ABCD2: variants seen among roughly 807,000 people sequenced by gnomAD.
The protein encoded by ABCD2 is ATP binding cassette subfamily D member 2, also known as ATP-binding cassette sub-family D member 2.
A neutral mutation model predicts 70.9 loss-of-function variants in ABCD2; 36 were observed. That is an observed-to-expected ratio of 0.51 (90% CI 0.39 to 0.67). The LOEUF (loss-of-function observed/expected upper bound fraction) is 0.67. Ranked by LOEUF, ABCD2 falls within the 30% of genes least tolerant of loss-of-function variation. The pLI, the probability that ABCD2 is intolerant of heterozygous loss-of-function variation, is 0.00. For missense variants in ABCD2, 729 were observed against 890.2 expected (o/e 0.82, Z 2.30); for synonymous variants, 304 against 306.9 (o/e 0.99, Z 0.10).
chr12:39,559,570 C>G (rs1002927157), intron 9 of ABCD2, among the ~76,000 whole-genome samples: 1 of 151,578 alleles, frequency 6.6e-6, no homozygotes, highest in Non-Finnish European at 1.5e-5. Context: ...ATAAGACTAC[C>G]CGATGATATA....
chr12:39,617,297 A>G (rs1942129485), intron 1 of ABCD2, 129 bp from the exon 2 acceptor site: 5 of 538,934 alleles, frequency 9.3e-6, no homozygotes, highest in Non-Finnish European at 1.4e-5. Context: ...ATTAGTTATT[A>G]TTTAGTTTTG....
In ABCD2 at chr12:39,619,477, A is replaced by T. The variant is rs1942164858; in HGVS notation, c.139T>A (p.Ser47Thr). The T allele has an allele frequency of 1.2e-6, 2 of 1,613,538 alleles. No individual in the cohort carries two copies. The highest frequency in any genetic ancestry group is 1.7e-5 in the Admixed American group (1 of 59,990). ...YPIIGKRLKQ[S>T]GHGKKKAAAY... ...GCTGCTTTTTTCTTCCCGTGGCCAGATTGCTTTAAACGCTTGCCAATGATG... is the reference window on the plus strand; with the variant it reads ...GCTGCTTTTTTCTTCCCGTGGCCAGTTTGCTTTAAACGCTTGCCAATGATG... The change falls in exon 1 of 10, where the codon TCT (serine) becomes ACT (threonine). Residue 47 changes from serine to threonine, a missense_variant. Coordinates refer to ENST00000308666, the MANE Select transcript of ABCD2 (RefSeq NM_005164.4).
intron 6 of ABCD2, among the ~76,000 whole-genome samples, chr12:39,592,063 T>A (rs1277459239): frequency 6.6e-6 from 1 of 152,118 alleles, no homozygotes; most frequent in Non-Finnish European, 1.5e-5. Flanking sequence ...AAAAGAGATT[T>A]AAAAAAACTG....
chr12:39,601,866 T>C (rs1941902117), intron 5 of ABCD2, among the ~76,000 whole-genome samples: 2 of 152,068 alleles, frequency 1.3e-5, no homozygotes, highest in Non-Finnish European at 2.9e-5. Context: ...GGCTAAGGGT[T>C]TAATTTTGTA....
rs1360281869 is a variant in ABCD2, at chr12:39,601,063, T to C, written c.1501-347A>G. ...AAATTTAACTAAAAATATATTACAT[T>C]ATATTTTGATATTAATATTGGATTA... is the stretch of plus-strand genomic sequence containing the variant. On this transcript the variant is annotated intron_variant, in intron 5 of 9. Transcript: ENST00000308666. 3.9e-5 allele frequency among the ~76,000 whole-genome samples: 6 copies of C among 152,064 alleles called. No individual in the cohort carries two copies. In the South Asian group the frequency reaches 1.2e-3, roughly 31 times the overall value.
chr12:39,579,213 T>A (rs956417366), intron 8 of ABCD2, among the ~76,000 whole-genome samples: 1 of 152,086 alleles, frequency 6.6e-6, no homozygotes, highest in African/African-American at 2.4e-5. Context: ...AACACAAAAA[T>A]TAGCCGGGCG....
At chr12:39,569,275 C>A (rs1489395740) in intron 9 of ABCD2, among the ~76,000 whole-genome samples, 1 of 152,226 alleles carries the variant, frequency 6.6e-6, no homozygotes, top group Non-Finnish European at 1.5e-5. Context: ...TGGGCTCCAC[C>A]CAGTTGGAGC....
At position 39,616,735 on chromosome 12, in the gene ABCD2, A is replaced by G. The variant is rs542065467; in HGVS notation, c.1120+253T>C. On this transcript the variant is annotated intron_variant, in intron 2 of 9. Transcript: ENST00000308666. Reference sequence around the variant, plus strand: ...TTAGGCAATATAATTAAAATTGCTCAAGGTCAACTCCGAGAAACACTGCAT... The same window carrying G: ...TTAGGCAATATAATTAAAATTGCTCGAGGTCAACTCCGAGAAACACTGCAT... Among the ~76,000 whole-genome samples, 16 of 152,214 alleles carry G rather than the reference A, an allele frequency of 1.1e-4. 1 individual carries two copies. Among genetic ancestry groups the G allele is most frequent in the African/African-American group, 3.4e-4 (14 of 41,542 alleles).
At chr12:39,581,747 C>G (rs763774968) in intron 7 of ABCD2, among the ~76,000 whole-genome samples, 9 of 152,090 alleles carry the variant, frequency 5.9e-5, no homozygotes, top group Non-Finnish European at 1.0e-4. Context: ...TTTAATAAAT[C>G]ACGTTCTTTG....
At position 39,579,453 on chromosome 12, in the gene ABCD2, T is replaced by C. The variant is rs960830206; in HGVS notation, c.1877+82A>G. The stretch of plus-strand genomic sequence containing the variant: ...AGCTACAGATGAAGACGATAAATCC[T>C]GTCCAAACTTTTGTTGTTCCTATTG... On this transcript the variant is annotated intron_variant, in intron 8 of 9. Coordinates refer to ENST00000308666, the MANE Select transcript of ABCD2 (RefSeq NM_005164.4). The C allele has an allele frequency of 5.4e-6, 5 of 926,376 alleles. No individual in the cohort carries two copies. The South Asian group carries it at 7.6e-5, about 14-fold the overall frequency. 57.4% of individuals were successfully genotyped at this position (926,376 alleles called of 1,614,324 possible). A position where few individuals can be genotyped will look rare whatever the true frequency, so the allele number is the denominator to read the frequency against.
At chr12:39,602,127 TTTTATTTATTTATTTA>T (rs78767678) in intron 5 of ABCD2, among the ~76,000 whole-genome samples, 22 of 145,304 alleles carry the variant, frequency 1.5e-4, no homozygotes, top group South Asian at 4.4e-4. Flanking sequence ...TTTTTAAAAA[TTTTATTTATTTATTTA>T]TTTATTTATT....
intron 3 of ABCD2, 98 bp downstream of exon 3, chr12:39,607,501 A>G: frequency 2.0e-6 from 2 of 995,062 alleles, no homozygotes. Context: ...CAGAGAAAAG[A>G]TATGTTTCCA....
intron 6 of ABCD2, among the ~76,000 whole-genome samples, chr12:39,590,646 T>C (rs1941733187): frequency 6.6e-6 from 1 of 152,092 alleles, no homozygotes; most frequent in African/African-American, 2.4e-5. Context: ...TAAAATTCAT[T>C]CCCCATGATT....
Position 39,618,819 on chromosome 12 carries a change from G to A in ABCD2, c.797C>T (p.Ala266Val). 6.2e-7 allele frequency: 1 copy of A among 1,614,178 alleles called. No homozygotes were observed. The highest frequency in any genetic ancestry group is 1.1e-5 in the South Asian group (1 of 91,074). ...ACAGGCTTTTAACACTTTAGCAGTG[G>A]CATACACCACAAGTCCTGCTAGTAG... Reference protein sequence around the residue: ...PTLLAGLVVYATAKVLKACSP... With the variant: ...PTLLAGLVVYVTAKVLKACSP... The change falls in exon 1 of 10, where the codon GCC becomes GTC. Residue 266 changes from alanine to valine, a missense_variant. Ala to Val is a moderately conservative substitution (Grantham distance 64). Coordinates refer to ENST00000308666, the MANE Select transcript of ABCD2 (RefSeq NM_005164.4).
At chr12:39,596,451 T>C (rs1941816296) in intron 6 of ABCD2, among the ~76,000 whole-genome samples, 1 of 152,204 alleles carries the variant, frequency 6.6e-6, no homozygotes, top group Non-Finnish European at 1.5e-5. Context: ...CTCTCTGACA[T>C]GAAACACAAT....
chr12:39,607,790 C>CA lies in ABCD2; in HGVS notation c.1121-77dup, dbSNP rs2120749562. On this transcript the variant is annotated intron_variant, in intron 2 of 9. Transcript: ENST00000308666. ...TAGTAACTTAATGTTTTATATTATACAAACTAAATTGTGGCTAAAACAACC... is the reference window on the plus strand; with the variant it reads ...TAGTAACTTAATGTTTTATATTATACAAAACTAAATTGTGGCTAAAACAACC... The CA allele has an allele frequency of 3.3e-6, 3 of 920,550 alleles. 1 individual carries two copies. In the South Asian group the frequency reaches 4.6e-5, roughly 14 times the overall value. 57.0% of individuals were successfully genotyped at this position (920,550 alleles called of 1,614,324 possible).
intron 4 of ABCD2, among the ~76,000 whole-genome samples, chr12:39,604,291 C>T (rs913228388): frequency 6.6e-6 from 1 of 151,858 alleles, no homozygotes; most frequent in African/African-American, 2.4e-5. Context: ...TCTGAAATAA[C>T]CCAGCCTTAA....
chr12:39,574,826 C>A (rs1248548786), intron 8 of ABCD2, among the ~76,000 whole-genome samples: 1 of 151,960 alleles, frequency 6.6e-6, no homozygotes, highest in Non-Finnish European at 1.5e-5. Context: ...TCATTATTTG[C>A]CTTGTAAGTT....
intron 9 of ABCD2, among the ~76,000 whole-genome samples, chr12:39,559,760 G>T (rs1412443005): frequency 6.6e-6 from 1 of 152,144 alleles, no homozygotes; most frequent in Non-Finnish European, 1.5e-5. Context: ...TTTCAGCCAA[G>T]AATTCTGTTC....
Sources: gnomAD v4.1 joint callset for allele counts (sites outside exome capture counted in the v4.1 genomes callset) on GRCh38, gnomAD v4.1.1 for gene constraint, MANE v1.5 for transcripts, NCBI Gene and HGNC (gene_info 2026-07-23, HGNC 2026-07-21) for gene names.